The following PDE4D variants were observed in gnomAD, a reference collection of about 807,000 sequenced individuals.
PDE4D encodes the protein phosphodiesterase 4D.
Under a neutral mutation model 87.4 loss-of-function variants are expected in PDE4D, and 24 were observed. The observed-to-expected ratio is 0.27, with a 90% CI of 0.20 to 0.39. The LOEUF is 0.39. PDE4D is among the 10% of genes least tolerant of loss of function. The pLI is 1.00. For missense variants in PDE4D, 714 were observed against 1,041.0 expected, an observed-to-expected ratio of 0.69 and a Z score of 4.32; for synonymous variants, 384 against 383.2, an observed-to-expected ratio of 1.00 and a Z score of -0.02.
chr5:59,603,801 A>G (rs1458673559), intron 1 of PDE4D, among the ~76,000 whole-genome samples: 1 of 152,016 alleles, frequency 6.6e-6, no homozygotes, highest in African/African-American at 2.4e-5. Flanking sequence ...ACAAAATTTC[A>G]GTTAGATAAG....
intron 5 of PDE4D, among the ~76,000 whole-genome samples, chr5:59,172,248 T>C (rs1426264348): frequency 1.6e-5 from 2 of 121,516 alleles, no homozygotes; most frequent in Non-Finnish European, 3.2e-5. Context: ...GTATATAATA[T>C]ATAATAAATA....
chr5:59,516,639 C>A (rs1015705175), intron 1 of PDE4D, among the ~76,000 whole-genome samples: 8 of 151,830 alleles, frequency 5.3e-5, no homozygotes, highest in Non-Finnish European at 1.0e-4. Flanking sequence ...AGAGAAATTG[C>A]AGAATATTTT....
At chr5:59,752,918 G>A (rs1760690259) in intron 1 of PDE4D, among the ~76,000 whole-genome samples, 1 of 152,140 alleles carries the variant, frequency 6.6e-6, no homozygotes, top group South Asian at 2.1e-4. Context: ...TATCCTACAG[G>A]GCAGGGATCG....
Position 59,720,076 on chromosome 5 carries a change from G to A in PDE4D, c.455+173092C>T, listed in dbSNP as rs183800412. Among the ~76,000 whole-genome samples the A allele has an allele frequency of 7.9e-5, 12 of 152,252 alleles. No individual in the cohort carries two copies. The East Asian group carries it at 1.9e-3, about 24-fold the overall frequency. Reference sequence around the variant, plus strand: ...CTTCTGAAGCTGTTTCTTCCACTCTGTCACACATTCATTCATTTGCATTTT... The same window carrying A: ...CTTCTGAAGCTGTTTCTTCCACTCTATCACACATTCATTCATTTGCATTTT... On this transcript the variant is annotated intron_variant, in intron 1 of 14. Transcript: ENST00000340635.
At chr5:59,218,384 C>G (rs1411949938) in intron 1 of PDE4D, among the ~76,000 whole-genome samples, 1 of 151,590 alleles carries the variant, frequency 6.6e-6, no homozygotes, top group Non-Finnish European at 1.5e-5. Flanking sequence ...ATAATTTTTC[C>G]AATTAAATCA....
intron 1 of PDE4D, among the ~76,000 whole-genome samples, chr5:59,516,221 T>A (rs1582941724): frequency 2.0e-5 from 3 of 152,310 alleles, no homozygotes; most frequent in South Asian, 4.1e-4. Flanking sequence ...TACATAGACT[T>A]GCCAGAGCAT....
chr5:59,719,265 A>T (rs1755482701), intron 1 of PDE4D, among the ~76,000 whole-genome samples: 1 of 152,176 alleles, frequency 6.6e-6, no homozygotes, highest in African/African-American at 2.4e-5. Flanking sequence ...AACTACTATC[A>T]GCATGTCTTA....
At chr5:59,398,811 T>G (rs2153612896) in intron 1 of PDE4D, among the ~76,000 whole-genome samples, 1 of 121,110 alleles carries the variant, frequency 8.3e-6, no homozygotes, top group Non-Finnish European at 1.7e-5. Context: ...GCAGACTACA[T>G]GATTGTATAT....
intron 1 of PDE4D, among the ~76,000 whole-genome samples, chr5:60,476,270 T>C (rs1356051067): frequency 2.0e-5 from 3 of 152,194 alleles, no homozygotes; most frequent in Non-Finnish European, 4.4e-5. Context: ...CGGAAGTCTG[T>C]TGGGTCTACT....
chr5:59,825,167 C>G (rs578179744), intron 1 of PDE4D, among the ~76,000 whole-genome samples: 1 of 152,242 alleles, frequency 6.6e-6, no homozygotes, highest in South Asian at 2.1e-4. Flanking sequence ...CTCCACAGAG[C>G]CTTTCACATG....
intron 1 of PDE4D, among the ~76,000 whole-genome samples, chr5:59,844,690 T>C (rs1743554248): frequency 6.6e-6 from 1 of 152,112 alleles, no homozygotes; most frequent in African/African-American, 2.4e-5. Context: ...TCTACATGCA[T>C]GTCCTATATG....
Position 58,974,725 on chromosome 5 carries a change from C to T in PDE4D, c.2369G>A (p.Gly790Glu), listed in dbSNP as rs761867546. The T allele has an allele frequency of 6.2e-7, 1 of 1,612,784 alleles. No individual in the cohort carries two copies. The highest frequency in any genetic ancestry group is 1.1e-5 in the South Asian group (1 of 90,900). ...TTCAGGCTGGCTTTCCTCTTCTTCC[C>T]CTACTGCCTCCTCTTCAACCTGTTC... ...LDEQVEEEAV[G>E]EEEESQPEAC... The change falls in exon 15 of 15, where the codon GGG becomes GAG. Residue 790 changes from glycine (G) to glutamate (E), a missense_variant. By Grantham distance (98) the Gly-to-Glu change is moderately conservative. This residue lies in a region of PDE4D where 90 missense variants were observed against 95.3 expected (regional missense o/e 0.94). Transcript: ENST00000340635.
intron 3 of PDE4D, among the ~76,000 whole-genome samples, chr5:59,986,144 A>C (rs1017407): frequency 7.7e-5 from 1 of 12,940 alleles, no homozygotes; most frequent in Non-Finnish European, 2.1e-4. Context: ...CTCTGCCTTC[A>C]AGCAGGCTGA....
At chr5:59,985,124 G>GTTGTTTTTT (rs1762290009) in intron 3 of PDE4D, among the ~76,000 whole-genome samples, 4 of 111,268 alleles carry the variant, frequency 3.6e-5, no homozygotes, top group African/African-American at 5.7e-5. Context: ...TTCACCTTTC[G>GTTGTTTTTT]TTTTTTGTTT....
chr5:59,642,864 G>A (rs888854014), intron 1 of PDE4D, among the ~76,000 whole-genome samples: 9 of 152,068 alleles, frequency 5.9e-5, no homozygotes, highest in African/African-American at 1.4e-4. Context: ...GTTATAAGCT[G>A]TATAACAAAA....
intron 1 of PDE4D, among the ~76,000 whole-genome samples, chr5:59,496,159 C>T (rs1188882822): frequency 6.6e-6 from 1 of 152,072 alleles, no homozygotes; most frequent in Non-Finnish European, 1.5e-5. Flanking sequence ...AGCCCGGGCT[C>T]TCCTATGACT....
chr5:59,988,606 C>T (rs543718776), exon 3 of PDE4D: 14 of 1,599,204 alleles, frequency 8.8e-6, no homozygotes, highest in African/African-American at 2.7e-5. Context: ...TGTCTGAAGG[C>T]GAGAGGGGGA....
At chr5:59,153,493 A>T (rs1779735012) in intron 5 of PDE4D, among the ~76,000 whole-genome samples, 8 of 152,154 alleles carry the variant, frequency 5.3e-5, no homozygotes, top group Admixed American at 5.2e-4. Flanking sequence ...TGCCAAAGGG[A>T]TTAAGAGACA....
chr5:59,424,552 T>A (rs1330612780), intron 1 of PDE4D, among the ~76,000 whole-genome samples: 1 of 152,118 alleles, frequency 6.6e-6, no homozygotes, highest in African/African-American at 2.4e-5. Flanking sequence ...AAAGGCATCT[T>A]CTTCACAGGG....
Sources: gnomAD v4.1 joint callset for allele counts (sites outside exome capture counted in the v4.1 genomes callset) on GRCh38, gnomAD v4.1.1 for gene constraint, gnomAD v4.1.1 regional missense constraint, MANE v1.5 for transcripts, NCBI Gene and HGNC (gene_info 2026-07-23, HGNC 2026-07-21) for gene names.